Variants in COBL observed in about 807,000 individuals in gnomAD.
COBL encodes protein cordon-bleu.
Under a neutral mutation model 98.8 loss-of-function variants are expected in COBL, and 51 were observed. The observed-to-expected ratio is 0.52, with a 90% CI of 0.41 to 0.65. The LOEUF (loss-of-function observed/expected upper bound fraction) is 0.65. Ranked by LOEUF, COBL falls within the 30% of genes least tolerant of loss-of-function variation. The pLI is 0.00. For missense variants in COBL, 1,617 were observed against 1,617.5 expected, an observed-to-expected ratio of 1.00 and a Z score of 0.01; for synonymous variants, 634 against 651.7, an observed-to-expected ratio of 0.97 and a Z score of 0.41.
Position 51,193,452 on chromosome 7 carries a change from T to G in COBL, c.383A>C (p.Asn128Thr), listed in dbSNP as rs1205270715. The change falls in exon 3 of 13, where the codon AAT becomes ACT. Residue 128 changes from asparagine (N) to threonine (T), a missense_variant. Transcript: ENST00000265136. Reference sequence around the variant, plus strand: ...TTCTTTCAGAAACACAGTATGCACATTCAGGGTCCCAATCAAAGTATTTGG... The same window carrying G: ...TTCTTTCAGAAACACAGTATGCACAGTCAGGGTCCCAATCAAAGTATTTGG... ...FKPNTLIGTL[N>T]VHTVFLKEKV... 2.5e-6 allele frequency: 4 copies of G among 1,614,090 alleles called. No homozygotes were observed. In the South Asian group the frequency reaches 4.4e-5, roughly 18 times the overall value.
intron 7 of COBL, among the ~76,000 whole-genome samples, chr7:51,073,887 T>C (rs995168604): frequency 6.6e-6 from 1 of 152,156 alleles, no homozygotes; most frequent in African/African-American, 2.4e-5. Context: ...ACTTAGAGAA[T>C]ACTGGTTGAT....
chr7:51,308,313 C>T (rs1434917191), intron 1 of COBL, among the ~76,000 whole-genome samples: 1 of 152,146 alleles, frequency 6.6e-6, no homozygotes, highest in Non-Finnish European at 1.5e-5. Flanking sequence ...AACTCCCAAG[C>T]CATTAAGTTT....
chr7:51,249,041 A>G (rs1466314261), intron 1 of COBL, among the ~76,000 whole-genome samples: 2 of 152,248 alleles, frequency 1.3e-5, no homozygotes, highest in Non-Finnish European at 1.5e-5. Flanking sequence ...CAGACATAGT[A>G]TAATTTATTT....
At chr7:51,231,218 C>CGGTT (rs1794713675) in intron 1 of COBL, among the ~76,000 whole-genome samples, 1 of 152,106 alleles carries the variant, frequency 6.6e-6, no homozygotes, top group Non-Finnish European at 1.5e-5. Flanking sequence ...GTATTGTAAC[C>CGGTT]CAGTGTGGAA....
At chr7:51,020,336 G>A (rs916278348) in intron 12 of COBL, among the ~76,000 whole-genome samples, 2 of 152,160 alleles carry the variant, frequency 1.3e-5, no homozygotes, top group Middle Eastern at 3.2e-3. Flanking sequence ...AGCTTCTTTG[G>A]AAAAGTTCCT....
At chr7:51,110,469 T>A (rs1796722045) in intron 6 of COBL, among the ~76,000 whole-genome samples, 1 of 152,242 alleles carries the variant, frequency 6.6e-6, no homozygotes, top group Non-Finnish European at 1.5e-5. Context: ...AGAATAGTAC[T>A]CTATTGTGTA....
At chr7:51,085,053 T>G in intron 7 of COBL, 113 bp downstream of exon 7, 1 of 1,455,448 alleles carries the variant, frequency 6.9e-7, no homozygotes, top group South Asian at 1.2e-5. Context: ...CATTAATATT[T>G]TTTGGGTTAA....
intron 7 of COBL, among the ~76,000 whole-genome samples, chr7:51,080,759 TAGCCGGAAGTTTGCTCAGG>T (rs1393872685): frequency 6.6e-6 from 1 of 152,102 alleles, no homozygotes; most frequent in Non-Finnish European, 1.5e-5. Context: ...CAGCCAAAAA[TAGCCGGAAGTTTGCTCAGG>T]AGCCCAGGGG....
intron 4 of COBL, among the ~76,000 whole-genome samples, chr7:51,190,029 C>A (rs772835358): frequency 4.6e-5 from 7 of 152,156 alleles, no homozygotes; most frequent in Non-Finnish European, 1.0e-4. Flanking sequence ...AGCAGGATGA[C>A]ACTGGCAACA....
intron 2 of COBL, among the ~76,000 whole-genome samples, chr7:51,200,712 G>C (rs1219515931): frequency 1.3e-5 from 2 of 152,114 alleles, no homozygotes; most frequent in African/African-American, 4.8e-5. Flanking sequence ...ACCAAGAGGA[G>C]TAAGAGAACT....
intron 1 of COBL, among the ~76,000 whole-genome samples, chr7:51,309,216 A>G (rs1007685290): frequency 3.3e-5 from 5 of 152,176 alleles, no homozygotes; most frequent in Admixed American, 6.5e-5. Context: ...CCAAGGGGAC[A>G]TGAGCAAAGG....
chr7:51,054,471 T>C (rs1298175472), intron 7 of COBL, among the ~76,000 whole-genome samples: 1 of 152,198 alleles, frequency 6.6e-6, no homozygotes, highest in African/African-American at 2.4e-5. Context: ...GAGATGGCCA[T>C]GTTTCAGGTG....
At chr7:51,093,801 G>T (rs1402229547) in intron 6 of COBL, among the ~76,000 whole-genome samples, 1 of 151,988 alleles carries the variant, frequency 6.6e-6, no homozygotes, top group Non-Finnish European at 1.5e-5. Flanking sequence ...GGCTGAGTCA[G>T]GAGGATTGCC....
intron 10 of COBL, 104 bp downstream of exon 10, chr7:51,027,608 C>T (rs978908740): frequency 1.0e-6 from 1 of 984,000 alleles, no homozygotes; most frequent in South Asian, 1.6e-5. Flanking sequence ...CACTGTTATC[C>T]TAATCCCGTC....
chr7:51,060,052 G>A (rs909444681), intron 7 of COBL, among the ~76,000 whole-genome samples: 2 of 152,090 alleles, frequency 1.3e-5, no homozygotes, highest in African/African-American at 4.8e-5. Context: ...GCCTCCATGA[G>A]TCGATCTGAT....
chr7:51,111,171 AT>A (rs1332986457), intron 6 of COBL, among the ~76,000 whole-genome samples: 1 of 152,194 alleles, frequency 6.6e-6, no homozygotes, highest in African/African-American at 2.4e-5. Flanking sequence ...TCTCTTCAAC[AT>A]ACTAATTTCA....
At chr7:51,159,205 T>G (rs1349024628) in intron 5 of COBL, among the ~76,000 whole-genome samples, 2 of 150,690 alleles carry the variant, frequency 1.3e-5, no homozygotes, top group Non-Finnish European at 3.0e-5. Flanking sequence ...AGCAGGGAGG[T>G]GGGGAGGAGG....
chr7:51,253,202 C>A (rs765059642), intron 1 of COBL, among the ~76,000 whole-genome samples: 1 of 152,034 alleles, frequency 6.6e-6, no homozygotes, highest in Non-Finnish European at 1.5e-5. Context: ...CCAGTCTGGG[C>A]AACAGACTCC....
At chr7:51,285,162 G>C (rs901313276) in intron 1 of COBL, among the ~76,000 whole-genome samples, 1 of 151,962 alleles carries the variant, frequency 6.6e-6, no homozygotes, top group African/African-American at 2.4e-5. Context: ...GGCCAGGCTG[G>C]TCTTGAACTC....
Sources: gnomAD v4.1 joint callset for allele counts (sites outside exome capture counted in the v4.1 genomes callset) on GRCh38, gnomAD v4.1.1 for gene constraint, MANE v1.5 for transcripts, NCBI Gene and HGNC (gene_info 2026-07-23, HGNC 2026-07-21) for gene names.